Variants in KCNH8 observed in about 807,000 individuals in gnomAD.
KCNH8 encodes the protein potassium voltage-gated channel subfamily H member 8, also known as voltage-gated delayed rectifier potassium channel KCNH8.
KCNH8 carries 70 observed loss-of-function variants against 103.6 expected under a neutral mutation model. The observed-to-expected ratio is 0.68, with a 90% CI of 0.56 to 0.82. KCNH8 has a LOEUF of 0.82. KCNH8 is among the 40% of genes least tolerant of loss of function. The pLI is 0.00. For missense variants in KCNH8, 1,217 were observed against 1,329.9 expected (o/e 0.92, Z 1.32); for synonymous variants, 498 against 489.4 (o/e 1.02, Z -0.23).
chr3:19,344,699 G>A (rs1315435079), intron 4 of KCNH8, among the ~76,000 whole-genome samples: 2 of 152,036 alleles, frequency 1.3e-5, no homozygotes, highest in Non-Finnish European at 2.9e-5. Context: ...GACTTGTATA[G>A]TTTATTGAAT....
intron 1 of KCNH8, among the ~76,000 whole-genome samples, chr3:19,215,343 T>C (rs556718619): frequency 5.3e-5 from 8 of 152,294 alleles, no homozygotes; most frequent in Admixed American, 4.6e-4. Context: ...CTAGCACTTA[T>C]TGGGGAACGG....
chr3:19,350,735 T>C (rs2065789157), intron 5 of KCNH8, among the ~76,000 whole-genome samples: 1 of 151,976 alleles, frequency 6.6e-6, no homozygotes, highest in Non-Finnish European at 1.5e-5. Context: ...TACGTCACCA[T>C]CATCAGAGAC....
intron 1 of KCNH8, among the ~76,000 whole-genome samples, chr3:19,198,898 G>A (rs1194551513): frequency 2.0e-5 from 3 of 151,976 alleles, no homozygotes; most frequent in African/African-American, 7.2e-5. Flanking sequence ...AATATAGAAA[G>A]AGAATGGATG....
intron 3 of KCNH8, among the ~76,000 whole-genome samples, chr3:19,305,077 A>G (rs141483423): frequency 6.6e-6 from 1 of 152,198 alleles, no homozygotes; most frequent in Non-Finnish European, 1.5e-5. Context: ...CTGCAAACAA[A>G]AAGATAATTC....
intron 12 of KCNH8, among the ~76,000 whole-genome samples, chr3:19,512,289 C>A (rs924696374): frequency 6.6e-6 from 1 of 152,122 alleles, no homozygotes; most frequent in Admixed American, 6.6e-5. Context: ...TGAATGATCC[C>A]AGTCAAGAGT....
At chr3:19,254,083 A>G (rs575250038) in intron 2 of KCNH8, among the ~76,000 whole-genome samples, 196 bp downstream of exon 2, 1 of 152,252 alleles carries the variant, frequency 6.6e-6, no homozygotes, top group East Asian at 1.9e-4. Context: ...GAAATTTTGA[A>G]TTAGAATTAT....
intron 1 of KCNH8, among the ~76,000 whole-genome samples, chr3:19,223,630 T>C (rs1176573140): frequency 1.3e-5 from 2 of 152,192 alleles, no homozygotes; most frequent in Non-Finnish European, 2.9e-5. Context: ...TTACTGCTAA[T>C]GGTGAAGGTT....
chr3:19,288,766 G>T (rs566387366), intron 3 of KCNH8, among the ~76,000 whole-genome samples: 1 of 152,224 alleles, frequency 6.6e-6, no homozygotes, highest in East Asian at 1.9e-4. Flanking sequence ...TGGCTGGGTC[G>T]AATGGTATTT....
intron 3 of KCNH8, among the ~76,000 whole-genome samples, chr3:19,281,853 A>T (rs1192647845): frequency 1.3e-5 from 2 of 152,136 alleles, no homozygotes; most frequent in African/African-American, 4.8e-5. Flanking sequence ...TTTAAGACAT[A>T]AACAAGCTTT....
intron 2 of KCNH8, among the ~76,000 whole-genome samples, chr3:19,280,462 A>G (rs994754367): frequency 1.3e-5 from 2 of 152,090 alleles, no homozygotes; most frequent in African/African-American, 4.8e-5. Context: ...CCTGACTTTT[A>G]ACATCATAGA....
chr3:19,311,468 T>G lies in KCNH8; in HGVS notation c.442+30139T>G, dbSNP rs1398328028. On this transcript the variant is annotated intron_variant, in intron 3 of 15. Coordinates refer to ENST00000328405, the MANE Select transcript of KCNH8 (RefSeq NM_144633.3). Reference sequence around the variant, plus strand: ...CAGCTTTGCCTTTTATTTGACTTTTTTGCAATATATATTAAATAATAATTA... The same window carrying G: ...CAGCTTTGCCTTTTATTTGACTTTTGTGCAATATATATTAAATAATAATTA... Among the ~76,000 whole-genome samples, 5 of 151,340 alleles carry G rather than the reference T, an allele frequency of 3.3e-5. No individual in the cohort carries two copies. The East Asian group carries it at 9.7e-4, about 29-fold the overall frequency.
At chr3:19,318,474 C>A (rs565045817) in intron 3 of KCNH8, among the ~76,000 whole-genome samples, 67 of 151,808 alleles carry the variant, frequency 4.4e-4, no homozygotes, top group African/African-American at 1.1e-3. Context: ...CATTCTTATG[C>A]CTTTGCATCC....
intron 3 of KCNH8, among the ~76,000 whole-genome samples, chr3:19,291,037 GT>G (rs1244926453): frequency 1.3e-5 from 2 of 152,162 alleles, no homozygotes; most frequent in East Asian, 3.8e-4. Context: ...GCATAGAGGT[GT>G]TTATAGTATT....
chr3:19,466,300 T>C (rs1000061879), intron 11 of KCNH8, among the ~76,000 whole-genome samples: 2 of 152,148 alleles, frequency 1.3e-5, no homozygotes, highest in South Asian at 2.1e-4. Context: ...GTTGTGAACA[T>C]TGTTGAAATG....
At chr3:19,310,313 A>AT (rs918169379) in intron 3 of KCNH8, among the ~76,000 whole-genome samples, 7 of 151,982 alleles carry the variant, frequency 4.6e-5, no homozygotes, top group African/African-American at 1.2e-4. Context: ...CTTTTTGAAG[A>AT]TTTTTTTACT....
chr3:19,272,995 A>G (rs2064611402), intron 2 of KCNH8, among the ~76,000 whole-genome samples: 1 of 152,288 alleles, frequency 6.6e-6, no homozygotes, highest in South Asian at 2.1e-4. Context: ...CTCAATAAAT[A>G]TCCACTGAAT....
chr3:19,419,171 AAAG>A (rs66904937), intron 7 of KCNH8, among the ~76,000 whole-genome samples: 22,244 of 148,958 alleles, frequency 0.15, 2,378 homozygotes, highest in Middle Eastern at 0.29. Flanking sequence ...CTAGTCACAA[AAAG>A]AAGTAATTAA....
At chr3:19,513,396 C>T in intron 13 of KCNH8, 71 bp downstream of exon 13, 2 of 1,508,062 alleles carry the variant, frequency 1.3e-6, no homozygotes, top group Non-Finnish European at 1.8e-6. Context: ...TACCTGCCTT[C>T]AGCCTTCTGA....
chr3:19,230,447 T>C (rs937952549), intron 1 of KCNH8, among the ~76,000 whole-genome samples: 4 of 152,164 alleles, frequency 2.6e-5, no homozygotes, highest in African/African-American at 7.2e-5. Context: ...GCAGACTCTT[T>C]CATCTTACTC....
Sources: gnomAD v4.1 joint callset for allele counts (sites outside exome capture counted in the v4.1 genomes callset) on GRCh38, gnomAD v4.1.1 for gene constraint, MANE v1.5 for transcripts, NCBI Gene and HGNC (gene_info 2026-07-23, HGNC 2026-07-21) for gene names.